The following DNAJC14 variants were observed in gnomAD, a reference collection of about 807,000 sequenced individuals.
The protein encoded by DNAJC14 is dnaJ homolog subfamily C member 14.
Under a neutral mutation model 68.8 loss-of-function variants are expected in DNAJC14, and 12 were observed. The ratio of observed to expected loss-of-function variants is 0.17; its 90% CI spans 0.11 to 0.28. The LOEUF (loss-of-function observed/expected upper bound fraction) is 0.28. DNAJC14 is among the 10% of genes least tolerant of loss of function. The pLI is 1.00. For missense variants in DNAJC14, 764 were observed against 875.6 expected, an observed-to-expected ratio of 0.87 and a Z score of 1.61; for synonymous variants, 350 against 321.5, an observed-to-expected ratio of 1.09 and a Z score of -0.95.
In DNAJC14 at chr12:55,821,995, C is replaced by T; in HGVS notation, c.2091G>A (p.Arg697=). 1 of 1,612,818 alleles carries T rather than the reference C, an allele frequency of 6.2e-7. No individual in the cohort carries two copies. The highest frequency in any genetic ancestry group is 1.1e-5 in the South Asian group (1 of 90,902). The part of the protein sequence containing the change: ...EAKPKRRKKV[R]RPFQR ...AGGGGCATCAACGTTGGAAGGGCCT[C>T]CTCACTTTCTTCCGCCGCTTAGGTT... Residue 697 remains arginine, a synonymous_variant, in exon 7 of 7, where the codon AGG becomes AGA. Coordinates refer to ENST00000678005, the MANE Select transcript of DNAJC14 (RefSeq NM_032364.6).
At chr12:55,825,104 T>C (rs1200818310) in intron 2 of DNAJC14, among the ~76,000 whole-genome samples, 2 of 128,402 alleles carry the variant, frequency 1.6e-5, no homozygotes, top group Admixed American at 1.8e-4. Context: ...TACTCCAGCC[T>C]GGGGAACTGG....
At position 55,827,716 on chromosome 12, in the gene DNAJC14, A is replaced by T; in HGVS notation, c.943T>A (p.Cys315Ser). The T allele has an allele frequency of 6.2e-7, 1 of 1,614,190 alleles. No homozygotes were observed. The highest frequency in any genetic ancestry group is 8.5e-7 in the Non-Finnish European group (1 of 1,180,030). The change falls in exon 2 of 7, where the codon TGT (cysteine) becomes AGT (serine). Residue 315 changes from cysteine to serine, a missense_variant. This residue lies in a region of DNAJC14 where 514 missense variants were observed against 521.7 expected (regional missense o/e 0.99). Transcript: ENST00000678005. The stretch of plus-strand genomic sequence containing the variant: ...AAACGAGTAAACAGTCCTACTCCAC[A>T]GTAAAACCCCTGGCTTAGAAACTGA... ...MFQFLSQGFYCGVGLFTRFLK... is the reference protein window; with the variant it reads ...MFQFLSQGFYSGVGLFTRFLK...
rs758494857 is a variant in DNAJC14 at position 55,823,481 on chromosome 12, G to C, written c.1435C>G (p.Arg479Gly). 1.2e-6 allele frequency: 2 copies of C among 1,614,042 alleles called. No individual in the cohort carries two copies. The highest frequency in any genetic ancestry group is 1.1e-5 in the South Asian group (1 of 91,086). ...MVHPDKNHHP[R>G]AEEAFKVLRA... ...AAAACCTTGAAGGCCTCCTCAGCCC[G>C]GGGATGATGATTTTTGTCAGGATGA... Residue 479 changes from arginine to glycine, a missense_variant, in exon 3 of 7, where the codon CGG becomes GGG. Arg to Gly is a moderately radical substitution (Grantham distance 125). Transcript: ENST00000678005.
At chr12:55,823,332 A>G (rs1424561250) in intron 3 of DNAJC14, 70 bp downstream of exon 3, 1 of 1,600,312 alleles carries the variant, frequency 6.2e-7, no homozygotes, top group African/African-American at 1.3e-5. Flanking sequence ...TCCACCCCCA[A>G]GTCCAGATGC....
In DNAJC14 at chr12:55,821,798, A is replaced by T; in HGVS notation, c.*179T>A. 1.9e-6 allele frequency: 1 copy of T among 521,630 alleles called. No homozygotes were observed. Among genetic ancestry groups the T allele is most frequent in the Non-Finnish European group, 3.1e-6 (1 of 325,044 alleles). 32.3% of individuals were successfully genotyped at this position (521,630 alleles called of 1,614,324 possible). On this transcript the variant is annotated 3_prime_UTR_variant, in exon 7 of 7. Coordinates refer to ENST00000678005, the MANE Select transcript of DNAJC14 (RefSeq NM_032364.6). ...CTTGAACCCGGGAGACAGAGGTTGC[A>T]GTAAGCTGAGATCACACCACTGCAC...
chr12:55,823,306 T>C, intron 3 of DNAJC14, 96 bp downstream of exon 3: 1 of 1,596,862 alleles, frequency 6.3e-7, no homozygotes, highest in South Asian at 1.1e-5. Flanking sequence ...TTCAGTTCTC[T>C]CCATCTCAAC....
At chr12:55,822,874 TC>T in intron 4 of DNAJC14, 142 bp from the exon 5 acceptor site, 1 of 1,392,396 alleles carries the variant, frequency 7.2e-7, no homozygotes, top group African/African-American at 1.4e-5. Context: ...CAACGTTCTA[TC>T]CTAAAGCTAA....
At chr12:55,830,334 A>AT (rs1305526252), upstream of DNAJC14, 1 of 152,282 alleles carries the variant, frequency 6.6e-6, no homozygotes, top group Non-Finnish European at 1.5e-5. Flanking sequence ...ATACCAAGCT[A>AT]TTTGGTGGAC....
chr12:55,822,346 T>C, intron 6 of DNAJC14, 27 bp downstream of exon 6: 1 of 1,603,968 alleles, frequency 6.2e-7, no homozygotes, highest in Non-Finnish European at 8.5e-7. Flanking sequence ...AAATAGTGGA[T>C]AGATTATTGA....
Position 55,823,054 on chromosome 12 carries a change from T to C in DNAJC14, c.1634+16A>G, listed in dbSNP as rs1476412288. 2 of 1,613,216 alleles carry C rather than the reference T, an allele frequency of 1.2e-6. No homozygotes were observed. Among genetic ancestry groups the C allele is most frequent in the African/African-American group, 2.7e-5 (2 of 75,004 alleles). On this transcript the variant is annotated intron_variant, in intron 4 of 6. Transcript: ENST00000678005. ...CTGAGCTGTGATTGTCCCATCCCTC[T>C]CCTTCTATTTCATACCTATGCTTTC...
upstream of DNAJC14, chr12:55,829,967 C>T (rs1880933210): frequency 6.6e-6 from 1 of 152,394 alleles, no homozygotes. Flanking sequence ...CAGACAAAAC[C>T]AGGGAGCTCA....
chr12:55,830,110 C>T (rs1459574978), upstream of DNAJC14: 2 of 152,390 alleles, frequency 1.3e-5, no homozygotes, highest in Admixed American at 6.5e-5. Flanking sequence ...GCAGCACTGC[C>T]CCTCCTTTCA....
Position 55,821,878 on chromosome 12 carries a change from C to A in DNAJC14, c.*99G>T. 1.6e-6 allele frequency: 2 copies of A among 1,261,424 alleles called. No homozygotes were observed. The highest frequency in any genetic ancestry group is 1.1e-6 in the Non-Finnish European group (1 of 921,358). 78.1% of individuals were successfully genotyped at this position (1,261,424 alleles called of 1,614,324 possible). On this transcript the variant is annotated 3_prime_UTR_variant, in exon 7 of 7. Transcript: ENST00000678005. ...CTCAAAAAATAAAAAGAAAAAGATT[C>A]AGTTCCTAGGTGTTGGGGGAGGAGG...
At chr12:55,825,616 T>G (rs1353356987) in intron 2 of DNAJC14, among the ~76,000 whole-genome samples, 1 of 143,922 alleles carries the variant, frequency 6.9e-6, no homozygotes, top group African/African-American at 2.6e-5. Context: ...CGATCTCGGC[T>G]CACTGCAAGC....
intron 1 of DNAJC14, chr12:55,829,093 G>A: frequency 1.0e-6 from 1 of 991,198 alleles, no homozygotes; most frequent in Non-Finnish European, 1.2e-6. Context: ...GGAAAATCTG[G>A]GGGCGGAGCT....
rs767419303 is a variant in DNAJC14, at chr12:55,822,750, A to G, written c.1635-18T>C. 2 of 1,612,844 alleles carry G rather than the reference A, an allele frequency of 1.2e-6. No homozygotes were observed. The highest frequency in any genetic ancestry group is 4.5e-5 in the East Asian group (2 of 44,884). On this transcript the variant is annotated intron_variant, in intron 4 of 6. Coordinates refer to ENST00000678005, the MANE Select transcript of DNAJC14 (RefSeq NM_032364.6). ...CAAACCTCCTGCAACCAACAAAAGG[A>G]TAGTTCCTTAATAATTTGTCAAGCC...
intron 2 of DNAJC14, among the ~76,000 whole-genome samples, chr12:55,825,252 AT>A (rs1187963426): frequency 6.6e-6 from 1 of 151,890 alleles, no homozygotes. Context: ...ACCTTTAATC[AT>A]TAATGGAAAC....
chr12:55,822,709 G>C lies in DNAJC14; in HGVS notation c.1658C>G (p.Pro553Arg), dbSNP rs1308596948. The change falls in exon 5 of 7, where the codon CCT (proline) becomes CGT (arginine). Residue 553 changes from proline (P) to arginine (R), a missense_variant. Pro to Arg is a moderately radical substitution (Grantham distance 103). This residue lies in a region of DNAJC14 where 110 missense variants were observed against 162.7 expected (regional missense o/e 0.68). Coordinates refer to ENST00000678005, the MANE Select transcript of DNAJC14 (RefSeq NM_032364.6). The stretch of plus-strand genomic sequence containing the variant: ...CTCAGCACAGTATCTGGCACTCTTA[G>C]GTTCCCGGTCCATTTCAAACCTCCT... ...KHRRFEMDREPKSARYCAECN... is the reference protein window; with the variant it reads ...KHRRFEMDRERKSARYCAECN... 1.2e-6 allele frequency: 2 copies of C among 1,614,086 alleles called. No homozygotes were observed. The highest frequency in any genetic ancestry group is 1.1e-5 in the South Asian group (1 of 91,074).
rs1031763098 is a variant in DNAJC14 at position 55,821,229 on chromosome 12, C to T, written c.*748G>A. 37 of 152,544 alleles carry T rather than the reference C, an allele frequency of 2.4e-4. No homozygotes were observed. The highest frequency in any genetic ancestry group is 7.7e-4 in the African/African-American group (32 of 41,426). 9.4% of individuals were successfully genotyped at this position (152,544 alleles called of 1,614,324 possible). A position where few individuals can be genotyped will look rare whatever the true frequency, so the allele number is the denominator to read the frequency against. ...GGTGATTTACCCACAAAGTGAAAGT[C>T]GAGGGAAAATTCAGTTTCCAGTCTC... is the stretch of plus-strand genomic sequence containing the variant. On this transcript the variant is annotated 3_prime_UTR_variant, in exon 7 of 7. Coordinates refer to ENST00000678005, the MANE Select transcript of DNAJC14 (RefSeq NM_032364.6).
Sources: gnomAD v4.1 joint callset for allele counts (sites outside exome capture counted in the v4.1 genomes callset) on GRCh38, gnomAD v4.1.1 for gene constraint, gnomAD v4.1.1 regional missense constraint, MANE v1.5 for transcripts, NCBI Gene and HGNC (gene_info 2026-07-23, HGNC 2026-07-21) for gene names.